Variants in NRG3 observed in about 807,000 individuals in gnomAD.
The protein encoded by NRG3 is neuregulin 3, also known as pro-neuregulin-3, membrane-bound isoform.
A neutral mutation model predicts 66.9 loss-of-function variants in NRG3; 31 were observed. That is an observed-to-expected ratio of 0.46 (90% CI 0.35 to 0.63). The LOEUF (loss-of-function observed/expected upper bound fraction) is 0.63, where lower values mean the gene tolerates loss of function less well. Among genes scored for constraint, NRG3 ranks in the 20% least tolerant of loss-of-function variants. The probability of loss-of-function intolerance (pLI) is 0.00; values close to 1 mark genes in which losing one functional copy is unlikely to be tolerated. For missense variants in NRG3, 910 were observed against 878.9 expected, an observed-to-expected ratio of 1.04 and a Z score of -0.45; for synonymous variants, 393 against 359.4, an observed-to-expected ratio of 1.09 and a Z score of -1.06.
intron 1 of NRG3, among the ~76,000 whole-genome samples, chr10:82,191,547 A>T (rs879676565): frequency 5.3e-5 from 8 of 152,150 alleles, no homozygotes; most frequent in Non-Finnish European, 1.2e-4. Flanking sequence ...AAACTAGATG[A>T]CTTCCAATCT....
At chr10:82,879,961 T>G (rs952793960) in intron 4 of NRG3, among the ~76,000 whole-genome samples, 19 of 143,604 alleles carry the variant, frequency 1.3e-4, no homozygotes, top group Non-Finnish European at 2.4e-4. Context: ...TTCATCCCTT[T>G]TTTTTTTTTT....
chr10:82,392,729 G>A (rs2086462723), intron 2 of NRG3, among the ~76,000 whole-genome samples: 1 of 152,112 alleles, frequency 6.6e-6, no homozygotes, highest in African/African-American at 2.4e-5. Context: ...GAAGAATGCA[G>A]CATTATAGCT....
At chr10:82,410,757 G>A (rs1406948166) in intron 2 of NRG3, among the ~76,000 whole-genome samples, 1 of 152,040 alleles carries the variant, frequency 6.6e-6, no homozygotes, top group East Asian at 1.9e-4. Context: ...GAAGTTCACA[G>A]ATGAATTTCT....
chr10:82,247,060 G>A (rs981705581), intron 1 of NRG3, among the ~76,000 whole-genome samples: 1 of 152,116 alleles, frequency 6.6e-6, no homozygotes, highest in Non-Finnish European at 1.5e-5. Flanking sequence ...ATTAAAAGGA[G>A]GCTGAAAATT....
chr10:82,060,988 G>T (rs1057459073), intron 1 of NRG3, among the ~76,000 whole-genome samples: 1 of 152,306 alleles, frequency 6.6e-6, no homozygotes, highest in Non-Finnish European at 1.5e-5. Flanking sequence ...CACTTCCTAT[G>T]TTTGCAATCT....
intron 2 of NRG3, among the ~76,000 whole-genome samples, chr10:82,702,643 GAA>G (rs1401423322): frequency 6.6e-6 from 1 of 152,142 alleles, no homozygotes; most frequent in Non-Finnish European, 1.5e-5. Context: ...ATCAGGTGTT[GAA>G]ACTATCAGGA....
At chr10:81,959,384 G>A (rs763728376) in intron 1 of NRG3, among the ~76,000 whole-genome samples, 1 of 151,874 alleles carries the variant, frequency 6.6e-6, no homozygotes, top group Non-Finnish European at 1.5e-5. Flanking sequence ...TCCCAAAAAT[G>A]TCATATTAGA....
At chr10:82,459,180 C>T (rs768265670) in intron 2 of NRG3, among the ~76,000 whole-genome samples, 2 of 152,162 alleles carry the variant, frequency 1.3e-5, no homozygotes, top group African/African-American at 4.8e-5. Flanking sequence ...TGCATACTAC[C>T]GTGAGCCACA....
intron 1 of NRG3, among the ~76,000 whole-genome samples, chr10:81,910,070 T>C (rs1272087506): frequency 6.6e-6 from 1 of 152,182 alleles, no homozygotes; most frequent in Non-Finnish European, 1.5e-5. Flanking sequence ...TATTCAGATA[T>C]AGTGGAGTAA....
At chr10:82,943,370 AG>A (rs1428203395) in intron 4 of NRG3, among the ~76,000 whole-genome samples, 1 of 152,166 alleles carries the variant, frequency 6.6e-6, no homozygotes, top group African/African-American at 2.4e-5. Flanking sequence ...GCTCAGGGTA[AG>A]GGGTGATCTT....
At chr10:81,909,304 A>C (rs1844894595) in intron 1 of NRG3, among the ~76,000 whole-genome samples, 1 of 151,870 alleles carries the variant, frequency 6.6e-6, no homozygotes, top group Non-Finnish European at 1.5e-5. Flanking sequence ...CCTTATTTTC[A>C]TTGCATCTGC....
rs562284418 is a variant in NRG3, at chr10:82,614,614, A to G, written c.954-123963A>G. 1.1e-4 allele frequency among the ~76,000 whole-genome samples: 17 copies of G among 152,336 alleles called. No homozygotes were observed. The East Asian group carries it at 2.3e-3, about 21-fold the overall frequency. ...TCAAGGAAACTGAAATTAACAAAAT[A>G]TAAGTAACTTGCATGAATTTCAGAA... On this transcript the variant is annotated intron_variant, in intron 2 of 8. Coordinates refer to ENST00000372141, the MANE Select transcript of NRG3 (RefSeq NM_001010848.4).
At chr10:82,229,178 C>G (rs1366801023) in intron 1 of NRG3, 1 of 152,150 alleles carries the variant, frequency 6.6e-6, no homozygotes, top group African/African-American at 2.4e-5. Flanking sequence ...TCTATGAAGA[C>G]TCACCATGTG....
intron 2 of NRG3, among the ~76,000 whole-genome samples, chr10:82,468,664 G>T (rs1341401872): frequency 6.6e-6 from 1 of 152,172 alleles, no homozygotes; most frequent in African/African-American, 2.4e-5. Flanking sequence ...TTACATCTAG[G>T]AATAGAATAG....
chr10:82,268,270 A>C (rs1238488532), intron 1 of NRG3, among the ~76,000 whole-genome samples: 4 of 152,170 alleles, frequency 2.6e-5, no homozygotes, highest in Admixed American at 2.6e-4. Flanking sequence ...GAGGCTTCAC[A>C]CTGTGAGACC....
chr10:82,018,843 G>A (rs980166911), intron 1 of NRG3, among the ~76,000 whole-genome samples: 45 of 152,124 alleles, frequency 3.0e-4, no homozygotes, highest in African/African-American at 5.8e-4. Flanking sequence ...GGGCTGAGAC[G>A]ATGGGGTTTT....
At chr10:82,112,167 C>T (rs2067425188) in intron 1 of NRG3, among the ~76,000 whole-genome samples, 2 of 152,096 alleles carry the variant, frequency 1.3e-5, no homozygotes, top group African/African-American at 4.8e-5. Context: ...TTGCTTGAGC[C>T]CAAAGTTCGA....
chr10:82,897,498 T>C (rs1843773101), intron 4 of NRG3, among the ~76,000 whole-genome samples: 1 of 152,160 alleles, frequency 6.6e-6, no homozygotes, highest in Non-Finnish European at 1.5e-5. Flanking sequence ...CATAGTGCTT[T>C]TAAAGAACTA....
chr10:82,421,052 G>A (rs1420171109), intron 2 of NRG3, among the ~76,000 whole-genome samples: 1 of 152,104 alleles, frequency 6.6e-6, no homozygotes, highest in African/African-American at 2.4e-5. Flanking sequence ...ATCAGTATCT[G>A]TTTGTGCTGG....
Sources: allele counts gnomAD v4.1 joint callset (sites outside exome capture counted in the v4.1 genomes callset), GRCh38; gene constraint gnomAD v4.1.1; transcripts MANE v1.5; gene names NCBI Gene and HGNC (gene_info 2026-07-23, HGNC 2026-07-21).